DENND2B: variants seen among roughly 807,000 people sequenced by gnomAD.
The protein encoded by DENND2B is DENN domain-containing protein 2B.
Under a neutral mutation model 116.0 loss-of-function variants are expected in DENND2B, and 32 were observed. That is an observed-to-expected ratio of 0.28 (90% CI 0.21 to 0.37). The LOEUF is 0.37. Among genes scored for constraint, DENND2B ranks in the 10% least tolerant of loss-of-function variants. The probability of loss-of-function intolerance (pLI) is 1.00; values close to 1 mark genes in which losing one functional copy is unlikely to be tolerated. For missense variants in DENND2B, 1,276 were observed against 1,477.7 expected (o/e 0.86, Z 2.24); for synonymous variants, 588 against 583.9 (o/e 1.01, Z -0.10).
intron 1 of DENND2B, among the ~76,000 whole-genome samples, chr11:8,886,921 C>T (rs754510172): frequency 2.6e-5 from 4 of 152,068 alleles, no homozygotes; most frequent in Admixed American, 6.5e-5. Flanking sequence ...CTCCACCTAC[C>T]GGGTTCAAGC....
chr11:8,817,983 C>T (rs572223289), intron 4 of DENND2B, among the ~76,000 whole-genome samples: 58 of 151,416 alleles, frequency 3.8e-4, no homozygotes, highest in African/African-American at 1.3e-3. Context: ...GCTTTCTGGC[C>T]GGGCGTGGTG....
chr11:8,697,448 T>A (rs954535855), intron 17 of DENND2B, 77 bp downstream of exon 17: 4 of 1,115,410 alleles, frequency 3.6e-6, no homozygotes, highest in Non-Finnish European at 5.5e-6. Flanking sequence ...AGAGGCAGAG[T>A]TCTGGCCCTA....
chr11:8,852,146 T>G (rs913397195), intron 3 of DENND2B, among the ~76,000 whole-genome samples: 16 of 152,234 alleles, frequency 1.1e-4, no homozygotes, highest in African/African-American at 3.9e-4. Flanking sequence ...GACTATCAAG[T>G]GCAAAAAATG....
chr11:8,819,189 G>A (rs1237715545), intron 4 of DENND2B, among the ~76,000 whole-genome samples: 1 of 152,092 alleles, frequency 6.6e-6, no homozygotes, highest in Non-Finnish European at 1.5e-5. Context: ...GAGCTCAGGA[G>A]TTTGAGACCA....
At chr11:8,826,678 G>T (rs1208245569) in intron 4 of DENND2B, among the ~76,000 whole-genome samples, 1 of 152,154 alleles carries the variant, frequency 6.6e-6, no homozygotes, top group Non-Finnish European at 1.5e-5. Flanking sequence ...CATCCTACAG[G>T]AGAAGATGCC....
At chr11:8,887,356 G>A (rs913691881) in intron 1 of DENND2B, among the ~76,000 whole-genome samples, 1 of 152,092 alleles carries the variant, frequency 6.6e-6, no homozygotes, top group African/African-American at 2.4e-5. Context: ...AGAGAACCAG[G>A]TTTAGAATCA....
intron 2 of DENND2B, among the ~76,000 whole-genome samples, chr11:8,749,233 C>T (rs925950536): frequency 6.6e-6 from 1 of 152,198 alleles, no homozygotes; most frequent in African/African-American, 2.4e-5. Context: ...CTACCTTGGA[C>T]ACCAACATGT....
chr11:8,827,933 C>T (rs1401042942), intron 4 of DENND2B, among the ~76,000 whole-genome samples: 1 of 152,136 alleles, frequency 6.6e-6, no homozygotes, highest in Non-Finnish European at 1.5e-5. Flanking sequence ...AATCCATTTC[C>T]TCCTTAAATC....
intron 1 of DENND2B, among the ~76,000 whole-genome samples, chr11:8,767,353 A>G (rs760324131): frequency 5.9e-5 from 9 of 152,180 alleles, no homozygotes; most frequent in Non-Finnish European, 1.0e-4. Flanking sequence ...TCGTGTGAAA[A>G]AGGGATTAGA....
At chr11:8,866,108 C>T (rs532016760) in intron 2 of DENND2B, among the ~76,000 whole-genome samples, 11 of 152,170 alleles carry the variant, frequency 7.2e-5, no homozygotes, top group African/African-American at 1.9e-4. Context: ...TACAGGTGCC[C>T]GCCACCACGC....
At chr11:8,812,442 C>T (rs1566004783), upstream of DENND2B, among the ~76,000 whole-genome samples, 2 of 152,144 alleles carry the variant, frequency 1.3e-5, no homozygotes, top group African/African-American at 2.4e-5. Flanking sequence ...TTCAACATGA[C>T]AGGTCTGAAA....
intron 9 of DENND2B, chr11:8,711,982 C>A (rs1430364344): frequency 2.2e-6 from 1 of 455,866 alleles, no homozygotes; most frequent in Non-Finnish European, 4.4e-6. Context: ...TTGAGCAGAG[C>A]CTGAGAAATG....
At chr11:8,875,862 A>G (rs1202266022), upstream of DENND2B, among the ~76,000 whole-genome samples, 1 of 152,340 alleles carries the variant, frequency 6.6e-6, no homozygotes, top group South Asian at 2.1e-4. Context: ...TGACTTTACC[A>G]TGGTGCAAAA....
At chr11:8,864,415 G>A (rs912186002) in intron 2 of DENND2B, among the ~76,000 whole-genome samples, 1 of 151,892 alleles carries the variant, frequency 6.6e-6, no homozygotes, top group Non-Finnish European at 1.5e-5. Flanking sequence ...CCACAGACAC[G>A]CACCGCCACG....
chr11:8,833,577 A>G (rs2062301484), intron 4 of DENND2B, among the ~76,000 whole-genome samples: 1 of 152,126 alleles, frequency 6.6e-6, no homozygotes, highest in African/African-American at 2.4e-5. Context: ...TTTGTTCGGG[A>G]AGCCAAAGAT....
At chr11:8,824,236 C>T (rs1207215965) in intron 4 of DENND2B, among the ~76,000 whole-genome samples, 1 of 150,474 alleles carries the variant, frequency 6.6e-6, no homozygotes, top group African/African-American at 2.5e-5. Flanking sequence ...GGTGCATATG[C>T]AGGTTTGTTA....
chr11:8,735,287 G>A (rs2048824590), intron 2 of DENND2B, among the ~76,000 whole-genome samples: 1 of 152,178 alleles, frequency 6.6e-6, no homozygotes, highest in African/African-American at 2.4e-5. Flanking sequence ...GAGGTCCCAT[G>A]GAATGTGACC....
chr11:8,771,154 G>A (rs2056777039), intron 1 of DENND2B, among the ~76,000 whole-genome samples: 1 of 152,204 alleles, frequency 6.6e-6, no homozygotes, highest in African/African-American at 2.4e-5. Context: ...GCAGCGGGAT[G>A]CACAAGGAGC....
At chr11:8,807,616 A>G (rs7950108) in intron 1 of DENND2B, among the ~76,000 whole-genome samples, 144,988 of 152,130 alleles carry the variant, frequency 0.95, 69,470 homozygotes, top group East Asian at 1. Flanking sequence ...CAGGAAGCGG[A>G]GTAGAAGGAG....
Sources: allele counts gnomAD v4.1 joint callset (sites outside exome capture counted in the v4.1 genomes callset), GRCh38; gene constraint gnomAD v4.1.1; transcripts MANE v1.5; gene names NCBI Gene and HGNC (gene_info 2026-07-23, HGNC 2026-07-21).